TSNARE1: variants seen among roughly 807,000 people sequenced by gnomAD.
The protein encoded by TSNARE1 is t-SNARE domain containing 1.
TSNARE1 carries 49 observed loss-of-function variants against 62.0 expected under a neutral mutation model. That is an observed-to-expected ratio of 0.79 (90% confidence interval 0.63 to 1.00). TSNARE1 has a LOEUF of 1.00. TSNARE1 is among the 50% of genes least tolerant of loss of function. The pLI, the probability that TSNARE1 is intolerant of heterozygous loss-of-function variation, is 0.00. For synonymous variants in TSNARE1, 328 were observed against 294.4 expected (o/e 1.11, Z -1.17); for missense variants, 755 against 700.1 (o/e 1.08, Z -0.88).
intron 12 of TSNARE1, among the ~76,000 whole-genome samples, chr8:142,236,950 C>T (rs996399258): frequency 6.6e-6 from 1 of 152,176 alleles, no homozygotes; most frequent in African/African-American, 2.4e-5. Flanking sequence ...TCAGCAAAGG[C>T]GTCACTGCCA....
At chr8:142,254,222 A>G (rs943383335) in intron 12 of TSNARE1, among the ~76,000 whole-genome samples, 4 of 152,198 alleles carry the variant, frequency 2.6e-5, no homozygotes, top group African/African-American at 9.7e-5. Context: ...GGTACAGCCA[A>G]CTGAGTTCTG....
intron 12 of TSNARE1, among the ~76,000 whole-genome samples, chr8:142,261,972 C>G (rs896398669): frequency 6.6e-6 from 1 of 152,230 alleles, no homozygotes; most frequent in African/African-American, 2.4e-5. Flanking sequence ...CATCCCACGG[C>G]GGGGCCAGCC....
At chr8:142,285,242 A>AGGTG (rs201142172) in intron 10 of TSNARE1, among the ~76,000 whole-genome samples, 5,048 of 125,996 alleles carry the variant, frequency 0.04, 331 homozygotes, top group African/African-American at 0.057. Context: ...ATGGATGGGT[A>AGGTG]GATGGATGGA....
intron 1 of TSNARE1, among the ~76,000 whole-genome samples, chr8:142,384,175 C>T (rs1394919590): frequency 2.6e-5 from 4 of 152,096 alleles, no homozygotes; most frequent in Non-Finnish European, 5.9e-5. Context: ...GGACCATACA[C>T]GGAGTCACTA....
At chr8:142,308,526 C>T (rs919324538) in intron 9 of TSNARE1, among the ~76,000 whole-genome samples, 5 of 152,294 alleles carry the variant, frequency 3.3e-5, no homozygotes, top group African/African-American at 1.2e-4. Flanking sequence ...ACGTGTGGTC[C>T]GTGTCCAGTC....
chr8:142,270,137 G>C, intron 12 of TSNARE1: 1 of 985,452 alleles, frequency 1.0e-6, no homozygotes, highest in Non-Finnish European at 1.2e-6. Context: ...TCCCGCTCCT[G>C]CTCGCTCCCG....
intron 9 of TSNARE1, among the ~76,000 whole-genome samples, chr8:142,309,068 T>C (rs1351150355): frequency 1.1e-4 from 16 of 152,208 alleles, no homozygotes. Flanking sequence ...AAATTTATTA[T>C]ATCAGTCTTT....
intron 4 of TSNARE1, 147 bp downstream of exon 4, chr8:142,343,819 A>AGGAGGAGGAGGAGGG (rs1486599453): frequency 1.5e-5 from 5 of 330,616 alleles, no homozygotes; most frequent in South Asian, 8.8e-5. Context: ...AGGAGGGGAG[A>AGGAGGAGGAGGAGGG]GGAGGAGGGG....
intron 4 of TSNARE1, among the ~76,000 whole-genome samples, chr8:142,338,103 C>T (rs1000484556): frequency 6.6e-6 from 1 of 152,206 alleles, no homozygotes; most frequent in African/African-American, 2.4e-5. Context: ...ACGTCAGCAG[C>T]GCTTATCAGG....
chr8:142,251,933 C>G (rs1250336031), intron 12 of TSNARE1, among the ~76,000 whole-genome samples: 1 of 144,278 alleles, frequency 6.9e-6, no homozygotes, highest in African/African-American at 2.6e-5. Flanking sequence ...CTGCAGGGCC[C>G]GGGCACCATG....
At chr8:142,346,671 T>C (rs1833409727) in intron 2 of TSNARE1, among the ~76,000 whole-genome samples, 1 of 152,230 alleles carries the variant, frequency 6.6e-6, no homozygotes. Flanking sequence ...CGTGTCCTGG[T>C]AGGTCACAAG....
intron 4 of TSNARE1, 107 bp downstream of exon 4, chr8:142,343,859 G>C: frequency 1.2e-5 from 13 of 1,066,914 alleles, no homozygotes; most frequent in Non-Finnish European, 1.6e-5. Context: ...AGGAGGAGGA[G>C]GAAAGTCACT....
chr8:142,343,561 C>T (rs1176404555), intron 4 of TSNARE1, among the ~76,000 whole-genome samples: 8 of 151,722 alleles, frequency 5.3e-5, no homozygotes, highest in African/African-American at 1.5e-4. Context: ...TGCTCAGCTC[C>T]GCTCTAGGAC....
At chr8:142,284,693 T>A (rs979837560) in intron 10 of TSNARE1, among the ~76,000 whole-genome samples, 1 of 151,822 alleles carries the variant, frequency 6.6e-6, no homozygotes, top group African/African-American at 2.4e-5. Context: ...GAGCCCAGGG[T>A]CACCCCAAAA....
intron 12 of TSNARE1, among the ~76,000 whole-genome samples, chr8:142,242,947 C>CAAAAAA (rs35092120): frequency 3.3e-4 from 17 of 51,350 alleles, no homozygotes; most frequent in African/African-American, 1.3e-3. Flanking sequence ...AACTCTGTCT[C>CAAAAAA]AAAAAAAAAA....
At chr8:142,302,351 G>A (rs1202570748) in intron 9 of TSNARE1, among the ~76,000 whole-genome samples, 2 of 152,160 alleles carry the variant, frequency 1.3e-5, no homozygotes, top group South Asian at 2.1e-4. Context: ...TGGCCCAGTA[G>A]GTGTCACCAC....
intron 1 of TSNARE1, among the ~76,000 whole-genome samples, chr8:142,379,471 A>C (rs1836579451): frequency 6.6e-6 from 1 of 152,204 alleles, no homozygotes; most frequent in African/African-American, 2.4e-5. Flanking sequence ...TGGTTTCACA[A>C]CTTCTAAAAC....
chr8:142,312,493 C>T (rs908839013), intron 9 of TSNARE1, among the ~76,000 whole-genome samples: 1 of 152,140 alleles, frequency 6.6e-6, no homozygotes, highest in Admixed American at 6.5e-5. Flanking sequence ...GGCTGGTCTA[C>T]TTCTGGTTTA....
intron 4 of TSNARE1, among the ~76,000 whole-genome samples, chr8:142,342,234 G>C (rs1001893425): frequency 2.6e-5 from 4 of 152,254 alleles, no homozygotes; most frequent in African/African-American, 9.6e-5. Context: ...AAGTGACTCG[G>C]GGCCGGGACT....
Sources: allele counts gnomAD v4.1 joint callset (sites outside exome capture counted in the v4.1 genomes callset), GRCh38; gene constraint gnomAD v4.1.1; transcripts MANE v1.5; gene names NCBI Gene and HGNC (gene_info 2026-07-23, HGNC 2026-07-21).